The following GABBR2 variants were observed in gnomAD, a reference collection of about 807,000 sequenced individuals.
GABBR2 encodes the protein G-protein coupled receptor 51.
In GABBR2, 23 loss-of-function variants were observed where a neutral mutation model predicts 105.6. The observed-to-expected ratio is 0.22, with a 90% confidence interval of 0.16 to 0.31. The LOEUF (loss-of-function observed/expected upper bound fraction) is 0.31, where lower values mean the gene tolerates loss of function less well. Among genes scored for constraint, GABBR2 ranks in the 10% least tolerant of loss-of-function variants. The pLI is 1.00. For missense variants in GABBR2, 734 were observed against 1,245.5 expected, an observed-to-expected ratio of 0.59 and a Z score of 6.18; for synonymous variants, 478 against 499.7, an observed-to-expected ratio of 0.96 and a Z score of 0.58.
chr9:98,343,945 C>G (rs1476757433), intron 13 of GABBR2, among the ~76,000 whole-genome samples: 1 of 152,192 alleles, frequency 6.6e-6, no homozygotes, highest in East Asian at 1.9e-4. Context: ...TGGCCCTAAT[C>G]TTACTTGATC....
At chr9:98,652,715 G>A (rs1037990460) in intron 1 of GABBR2, among the ~76,000 whole-genome samples, 3 of 152,152 alleles carry the variant, frequency 2.0e-5, no homozygotes, top group Admixed American at 6.5e-5. Flanking sequence ...TTCCAGCTTC[G>A]CATTTGGAGG....
chr9:98,521,803 C>T (rs1827872290), intron 3 of GABBR2, among the ~76,000 whole-genome samples: 1 of 152,026 alleles, frequency 6.6e-6, no homozygotes, highest in Non-Finnish European at 1.5e-5. Context: ...AGAACTCACC[C>T]ATGCTGTAAG....
At chr9:98,373,083 G>A (rs1831813331) in intron 11 of GABBR2, among the ~76,000 whole-genome samples, 1 of 152,088 alleles carries the variant, frequency 6.6e-6, no homozygotes, top group Non-Finnish European at 1.5e-5. Flanking sequence ...ATAAAAGGAT[G>A]TGAGAAAAAT....
At chr9:98,412,647 C>A (rs2131540962) in intron 7 of GABBR2, among the ~76,000 whole-genome samples, 1 of 152,314 alleles carries the variant, frequency 6.6e-6, no homozygotes, top group South Asian at 2.1e-4. Context: ...CACAGAAACT[C>A]CAATCCCTCT....
intron 11 of GABBR2, among the ~76,000 whole-genome samples, chr9:98,384,128 G>A (rs1832029602): frequency 6.6e-6 from 1 of 152,144 alleles, no homozygotes; most frequent in African/African-American, 2.4e-5. Context: ...CTCTAGCTCT[G>A]GTCTTCCAGG....
At chr9:98,500,280 G>A (rs1053167903) in intron 3 of GABBR2, among the ~76,000 whole-genome samples, 1 of 152,216 alleles carries the variant, frequency 6.6e-6, no homozygotes, top group South Asian at 2.1e-4. Context: ...GCCCCTGGGG[G>A]CCTAATCTGC....
intron 1 of GABBR2, among the ~76,000 whole-genome samples, chr9:98,696,445 A>C (rs1430376155): frequency 6.6e-5 from 10 of 152,218 alleles, no homozygotes; most frequent in African/African-American, 2.4e-4. Context: ...CAGGGTATCA[A>C]GCTGGGAGGC....
chr9:98,597,395 C>T (rs1829254022), intron 1 of GABBR2, among the ~76,000 whole-genome samples: 1 of 152,204 alleles, frequency 6.6e-6, no homozygotes, highest in Admixed American at 6.5e-5. Flanking sequence ...AATAATGGCA[C>T]TGAACTCCTG....
intron 1 of GABBR2, among the ~76,000 whole-genome samples, chr9:98,586,544 C>G (rs1464497102): frequency 6.6e-6 from 1 of 152,234 alleles, no homozygotes; most frequent in African/African-American, 2.4e-5. Flanking sequence ...AAGTGATCCA[C>G]CCGCCTTGGC....
chr9:98,453,240 G>A (rs1232454434), intron 7 of GABBR2, among the ~76,000 whole-genome samples: 1 of 152,210 alleles, frequency 6.6e-6, no homozygotes, highest in African/African-American at 2.4e-5. Context: ...TGGTCAGGCT[G>A]CTCTCGAACT....
At chr9:98,554,816 G>A (rs1405326865) in intron 2 of GABBR2, among the ~76,000 whole-genome samples, 3 of 152,064 alleles carry the variant, frequency 2.0e-5, no homozygotes, top group East Asian at 1.9e-4. Context: ...TATTAGTTCC[G>A]CAAATCCTTT....
At chr9:98,699,525 G>A (rs1270286233) in intron 1 of GABBR2, among the ~76,000 whole-genome samples, 1 of 152,146 alleles carries the variant, frequency 6.6e-6, no homozygotes, top group Non-Finnish European at 1.5e-5. Flanking sequence ...TGGAATCCAG[G>A]CTTTTAGATC....
chr9:98,561,145 T>A (rs1223674182), intron 2 of GABBR2, among the ~76,000 whole-genome samples: 1 of 152,182 alleles, frequency 6.6e-6, no homozygotes, highest in East Asian at 1.9e-4. Context: ...TTATATGGTT[T>A]TTCTTATTGT....
intron 17 of GABBR2, among the ~76,000 whole-genome samples, chr9:98,298,398 T>C (rs1169942428): frequency 6.6e-6 from 1 of 152,232 alleles, no homozygotes; most frequent in Non-Finnish European, 1.5e-5. Flanking sequence ...AGCACTGTGA[T>C]GAACATCTCT....
At chr9:98,436,374 T>A (rs1464969204) in intron 7 of GABBR2, among the ~76,000 whole-genome samples, 6 of 43,110 alleles carry the variant, frequency 1.4e-4, no homozygotes, top group South Asian at 9.4e-4. Context: ...TATATATATA[T>A]ATATATATAT....
At chr9:98,297,911 C>CTACTAAGGA (rs1830407772) in intron 17 of GABBR2, among the ~76,000 whole-genome samples, 1 of 151,200 alleles carries the variant, frequency 6.6e-6, no homozygotes, top group Non-Finnish European at 1.5e-5. Flanking sequence ...GTAATCCCAG[C>CTACTAAGGA]TACTAAGGAG....
chr9:98,551,031 A>G (rs535471356), intron 2 of GABBR2, among the ~76,000 whole-genome samples: 6 of 152,290 alleles, frequency 3.9e-5, no homozygotes, highest in Non-Finnish European at 5.9e-5. Flanking sequence ...AAATGACCCA[A>G]CCACCCAATC....
intron 13 of GABBR2, among the ~76,000 whole-genome samples, chr9:98,335,771 C>T (rs984616161): frequency 1.3e-5 from 2 of 152,220 alleles, no homozygotes; most frequent in East Asian, 3.8e-4. Context: ...AATCCAGCTA[C>T]TGAGCAACCA....
chr9:98,688,152 T>G (rs887631030), intron 1 of GABBR2, among the ~76,000 whole-genome samples: 2 of 152,182 alleles, frequency 1.3e-5, no homozygotes, highest in Non-Finnish European at 2.9e-5. Context: ...GCTCATTGAC[T>G]TTGTCTTGTC....
Sources: gnomAD v4.1 joint callset for allele counts (sites outside exome capture counted in the v4.1 genomes callset) on GRCh38, gnomAD v4.1.1 for gene constraint, MANE v1.5 for transcripts, NCBI Gene and HGNC (gene_info 2026-07-23, HGNC 2026-07-21) for gene names.